The following ARFGAP3 variants were observed in gnomAD, a reference collection of about 807,000 sequenced individuals.
The protein encoded by ARFGAP3 is ADP-ribosylation factor GTPase-activating protein 3.
ARFGAP3 carries 72 observed loss-of-function variants against 75.0 expected under a neutral mutation model. The ratio of observed to expected loss-of-function variants is 0.96; its 90% CI spans 0.79 to 1.17. The LOEUF (loss-of-function observed/expected upper bound fraction) is 1.17. ARFGAP3 is among the 50% of genes most tolerant of loss of function. ARFGAP3 has a pLI of 0.00. For synonymous variants in ARFGAP3, 221 were observed against 217.9 expected, an observed-to-expected ratio of 1.01 and a Z score of -0.13; for missense variants, 620 against 626.6, an observed-to-expected ratio of 0.99 and a Z score of 0.11.
In ARFGAP3 at chr22:42,810,858, C is replaced by T; in HGVS notation, c.1151G>A (p.Ser384Asn). 1 of 1,614,170 alleles carries T rather than the reference C, an allele frequency of 6.2e-7. No homozygotes were observed. The highest frequency in any genetic ancestry group is 1.1e-5 in the South Asian group (1 of 91,080). Residue 384 changes from serine (S) to asparagine (N), a missense_variant, in exon 12 of 16, where the codon AGC (serine) becomes AAC (asparagine). Coordinates refer to ENST00000263245, the MANE Select transcript of ARFGAP3 (RefSeq NM_014570.5). Reference sequence around the variant, plus strand: ...TTTCAGAACTGTTTCAGTATCTTTGCTGGTCTCTTTTTTCCAATAGGAATC... The same window carrying T: ...TTTCAGAACTGTTTCAGTATCTTTGTTGGTCTCTTTTTTCCAATAGGAATC... ...SSDSYWKKET[S>N]KDTETVLKTT...
chr22:42,836,209 T>C (rs1926515697), intron 3 of ARFGAP3, among the ~76,000 whole-genome samples: 1 of 152,050 alleles, frequency 6.6e-6, no homozygotes, highest in Non-Finnish European at 1.5e-5. Flanking sequence ...ACTCCTGAGC[T>C]CAAGGAATCC....
At chr22:42,822,886 T>C (rs1421722191) in intron 8 of ARFGAP3, among the ~76,000 whole-genome samples, 2 of 152,158 alleles carry the variant, frequency 1.3e-5, no homozygotes, top group Middle Eastern at 3.2e-3. Flanking sequence ...CTCAGCTCAC[T>C]GCAACCTCTG....
intron 14 of ARFGAP3, among the ~76,000 whole-genome samples, chr22:42,800,168 T>C (rs887662336): frequency 6.6e-6 from 1 of 152,122 alleles, no homozygotes; most frequent in African/African-American, 2.4e-5. Context: ...ACACAAACCC[T>C]GCAGGTCCTC....
At position 42,850,392 on chromosome 22, in the gene ARFGAP3, C is replaced by A. The variant is rs190281118; in HGVS notation, c.70-2760G>T. On this transcript the variant is annotated intron_variant, in intron 1 of 15. Transcript: ENST00000263245. ...TTTGAGACCAGCCTGGGCAACATGG[C>A]GAAACCCTATCTCTACCAAAAAATT... Among the ~76,000 whole-genome samples, 226 of 151,500 alleles carry A rather than the reference C, an allele frequency of 1.5e-3. 1 individual carries two copies. The highest frequency in any genetic ancestry group is 3.7e-4 in the Non-Finnish European group (25 of 67,878).
chr22:42,813,194 A>G (rs1432925994), intron 11 of ARFGAP3, among the ~76,000 whole-genome samples: 1 of 152,260 alleles, frequency 6.6e-6, no homozygotes, highest in Non-Finnish European at 1.5e-5. Context: ...AGACACATTC[A>G]GCTCCTGCCC....
intron 9 of ARFGAP3, among the ~76,000 whole-genome samples, chr22:42,818,517 A>C (rs531501809): frequency 7.6e-4 from 116 of 152,300 alleles, no homozygotes; most frequent in African/African-American, 2.7e-3. Flanking sequence ...AAGGGGTAAA[A>C]AGGTGTACAA....
intron 4 of ARFGAP3, 29 bp from the exon 5 acceptor site, chr22:42,834,354 G>A: frequency 3.1e-6 from 5 of 1,608,340 alleles, no homozygotes; most frequent in Non-Finnish European, 4.2e-6. Flanking sequence ...ACAGGGCTGA[G>A]CATTTCATCC....
At chr22:42,831,383 G>A (rs576562271) in intron 6 of ARFGAP3, among the ~76,000 whole-genome samples, 166 bp downstream of exon 6, 4 of 148,656 alleles carry the variant, frequency 2.7e-5, no homozygotes, top group African/African-American at 7.4e-5. Flanking sequence ...TGTTGCCCAC[G>A]CTGGTCTCTG....
At chr22:42,847,810 TTTA>T (rs914144714) in intron 1 of ARFGAP3, 178 bp from the exon 2 acceptor site, 6 of 184,062 alleles carry the variant, frequency 3.3e-5, no homozygotes, top group African/African-American at 9.2e-5. Context: ...TTCATGCTCT[TTTA>T]TTATTATATA....
chr22:42,818,128 A>T (rs1292721394), intron 9 of ARFGAP3, among the ~76,000 whole-genome samples: 2 of 152,238 alleles, frequency 1.3e-5, no homozygotes, highest in Non-Finnish European at 2.9e-5. Flanking sequence ...TTGTATAATA[A>T]CATAATGTAT....
chr22:42,823,115 T>C (rs1290001629), intron 8 of ARFGAP3, among the ~76,000 whole-genome samples: 1 of 149,782 alleles, frequency 6.7e-6, no homozygotes, highest in Non-Finnish European at 1.5e-5. Context: ...TGGCCTATTG[T>C]TTTTTTTTCC....
chr22:42,810,760 T>C (rs1312416274), intron 12 of ARFGAP3, 53 bp downstream of exon 12: 3 of 1,520,132 alleles, frequency 2.0e-6, no homozygotes, highest in Non-Finnish European at 2.7e-6. Flanking sequence ...CAGCAATTTT[T>C]TCCCAGAAAT....
At chr22:42,839,924 T>G (rs926305946) in intron 3 of ARFGAP3, among the ~76,000 whole-genome samples, 3 of 152,170 alleles carry the variant, frequency 2.0e-5, no homozygotes, top group African/African-American at 7.2e-5. Flanking sequence ...TTTATTATTT[T>G]GATAATCTAT....
chr22:42,852,310 C>T (rs373412098), intron 1 of ARFGAP3, among the ~76,000 whole-genome samples: 6 of 150,280 alleles, frequency 4.0e-5, no homozygotes, highest in South Asian at 4.2e-4. Flanking sequence ...TCATCTGCCT[C>T]GGCCTCCCAA....
intron 6 of ARFGAP3, among the ~76,000 whole-genome samples, chr22:42,829,646 G>C (rs1926198606): frequency 6.6e-6 from 1 of 152,086 alleles, no homozygotes; most frequent in Non-Finnish European, 1.5e-5. Flanking sequence ...CATATGAATT[G>C]CAAATATAAG....
intron 5 of ARFGAP3, among the ~76,000 whole-genome samples, chr22:42,833,625 GTGCA>G (rs1926392152): frequency 6.6e-6 from 1 of 152,154 alleles, no homozygotes; most frequent in African/African-American, 2.4e-5. Context: ...GTGTGGTGGC[GTGCA>G]CCTGTTGTCC....
intron 2 of ARFGAP3, among the ~76,000 whole-genome samples, chr22:42,846,531 C>T (rs994435287): frequency 1.3e-5 from 2 of 152,168 alleles, no homozygotes; most frequent in Admixed American, 6.5e-5. Flanking sequence ...AAGTAGAAGA[C>T]GGTTTACTCA....
Position 42,816,154 on chromosome 22 carries a change from C to A in ARFGAP3, c.1064+988G>T, listed in dbSNP as rs149595670. ...AACAAAAAACATTTAGACTGAATCA[C>A]ATCTCTTAAACTGAGTTTCTATATT... On this transcript the variant is annotated intron_variant, in intron 11 of 15. Transcript: ENST00000263245. Among the ~76,000 whole-genome samples the A allele has an allele frequency of 5.9e-4, 90 of 152,250 alleles. 1 individual carries two copies. Among genetic ancestry groups the A allele is most frequent in the African/African-American group, 1.7e-3 (70 of 41,556 alleles).
At chr22:42,801,176 G>A (rs567342387) in intron 14 of ARFGAP3, among the ~76,000 whole-genome samples, 4 of 152,260 alleles carry the variant, frequency 2.6e-5, no homozygotes, top group South Asian at 2.1e-4. Context: ...CGGGCTGAGC[G>A]TCCTCAGGAG....
Sources: gnomAD v4.1 joint callset for allele counts (sites outside exome capture counted in the v4.1 genomes callset) on GRCh38, gnomAD v4.1.1 for gene constraint, MANE v1.5 for transcripts, NCBI Gene and HGNC (gene_info 2026-07-23, HGNC 2026-07-21) for gene names.